POLK: variants seen among roughly 807,000 people sequenced by gnomAD.
POLK encodes polymerase (DNA directed) kappa.
A neutral mutation model predicts 94.0 loss-of-function variants in POLK; 76 were observed. The observed-to-expected ratio is 0.81, with a 90% CI of 0.67 to 0.98. POLK has a LOEUF of 0.98. Ranked by LOEUF, POLK falls within the 50% of genes least tolerant of loss-of-function variation. POLK has a pLI of 0.00. For synonymous variants in POLK, 349 were observed against 325.4 expected (o/e 1.07, Z -0.78); for missense variants, 954 against 1,010.1 (o/e 0.94, Z 0.75).
chr5:75,526,591 T>A (rs1768861484), intron 1 of POLK, among the ~76,000 whole-genome samples: 3 of 149,514 alleles, frequency 2.0e-5, no homozygotes, highest in East Asian at 3.9e-4. Flanking sequence ...TTTTTTTCTT[T>A]TTTTTTTGGA....
intron 1 of POLK, among the ~76,000 whole-genome samples, chr5:75,540,484 A>G (rs1178266319): frequency 6.6e-6 from 1 of 151,896 alleles, no homozygotes; most frequent in African/African-American, 2.4e-5. Flanking sequence ...TTTTTTGTGT[A>G]GACAGGGTCT....
intron 1 of POLK, among the ~76,000 whole-genome samples, chr5:75,523,612 A>AT (rs1738973160): frequency 6.6e-6 from 1 of 152,202 alleles, no homozygotes; most frequent in African/African-American, 2.4e-5. Flanking sequence ...CTGTTTTGTG[A>AT]TTAAGTTAAA....
At chr5:75,527,116 T>C (rs1768898257) in intron 1 of POLK, among the ~76,000 whole-genome samples, 1 of 152,190 alleles carries the variant, frequency 6.6e-6, no homozygotes, top group Non-Finnish European at 1.5e-5. Context: ...TATATATAAG[T>C]CATTACATAA....
At chr5:75,574,238 A>C (rs1297280132) in intron 5 of POLK, among the ~76,000 whole-genome samples, 1 of 152,188 alleles carries the variant, frequency 6.6e-6, no homozygotes, top group African/African-American at 2.4e-5. Flanking sequence ...ACTCATCATT[A>C]ATTTCAACCT....
intron 2 of POLK, among the ~76,000 whole-genome samples, chr5:75,550,421 A>T (rs1770277424): frequency 6.6e-6 from 1 of 152,142 alleles, no homozygotes; most frequent in Non-Finnish European, 1.5e-5. Flanking sequence ...TCTACTAAAA[A>T]TACAAAAATA....
upstream of POLK, chr5:75,511,347 G>T (rs993938595): frequency 3.2e-6 from 5 of 1,543,300 alleles, no homozygotes; most frequent in East Asian, 9.8e-5. Context: ...CAGGAGGAGG[G>T]ACGAAGTCCG....
chr5:75,551,944 A>C (rs1336839616), intron 2 of POLK, among the ~76,000 whole-genome samples: 1 of 152,232 alleles, frequency 6.6e-6, no homozygotes, highest in Non-Finnish European at 1.5e-5. Context: ...TCTTCACTGT[A>C]GCCAAAAAGT....
chr5:75,585,702 G>C (rs1772433588), intron 9 of POLK, among the ~76,000 whole-genome samples: 1 of 152,124 alleles, frequency 6.6e-6, no homozygotes, highest in Non-Finnish European at 1.5e-5. Context: ...GGGATAGTAG[G>C]TGAAAAGAAG....
intron 2 of POLK, among the ~76,000 whole-genome samples, chr5:75,549,804 A>AT (rs1178129913): frequency 6.6e-6 from 1 of 152,092 alleles, no homozygotes; most frequent in Non-Finnish European, 1.5e-5. Context: ...AATTACCAAC[A>AT]TTTTTGCAAA....
intron 3 of POLK, among the ~76,000 whole-genome samples, chr5:75,563,145 A>T (rs2112722711): frequency 6.6e-6 from 1 of 152,040 alleles, no homozygotes; most frequent in African/African-American, 2.4e-5. Context: ...TGTTTTTAGT[A>T]GAGGTGGGGT....
At chr5:75,511,163 A>C, upstream of POLK, 1 of 1,611,872 alleles carries the variant, frequency 6.2e-7, no homozygotes, top group Non-Finnish European at 8.5e-7. Context: ...CCGTCTCTGG[A>C]TCCTCCTCCG....
intron 3 of POLK, chr5:75,568,767 G>T: frequency 3.2e-6 from 1 of 315,956 alleles, no homozygotes; most frequent in South Asian, 2.6e-5. Flanking sequence ...TTCCTGTTCA[G>T]CATAAACATC....
chr5:75,560,086 C>CT (rs938230820), intron 3 of POLK, among the ~76,000 whole-genome samples: 2 of 152,146 alleles, frequency 1.3e-5, no homozygotes, highest in African/African-American at 4.8e-5. Flanking sequence ...CAAAAACAGA[C>CT]TTCAGAGTAA....
intron 3 of POLK, among the ~76,000 whole-genome samples, chr5:75,559,342 C>T (rs1184027193): frequency 6.6e-6 from 1 of 152,014 alleles, no homozygotes; most frequent in African/African-American, 2.4e-5. Context: ...TTCCCAATCT[C>T]AGTGGACTTC....
intron 1 of POLK, among the ~76,000 whole-genome samples, chr5:75,526,240 AAAG>A (rs1768836025): frequency 1.3e-5 from 2 of 152,104 alleles, no homozygotes; most frequent in Admixed American, 1.3e-4. Context: ...AAAAAAGAAA[AAAG>A]AAAAGGGAAG....
At chr5:75,593,609 T>A (rs530078852) in intron 11 of POLK, among the ~76,000 whole-genome samples, 1 of 152,126 alleles carries the variant, frequency 6.6e-6, no homozygotes, top group African/African-American at 2.4e-5. Context: ...CCCAACACTT[T>A]GGGAGGCCAG....
At chr5:75,578,048 A>G (rs540478415) in intron 6 of POLK, among the ~76,000 whole-genome samples, 18 of 152,352 alleles carry the variant, frequency 1.2e-4, no homozygotes, top group African/African-American at 4.3e-4. Flanking sequence ...GAAAATCATT[A>G]AATAATTATG....
chr5:75,588,414 T>C (rs1561404154), intron 10 of POLK, among the ~76,000 whole-genome samples: 1 of 152,084 alleles, frequency 6.6e-6, no homozygotes, highest in Non-Finnish European at 1.5e-5. Context: ...GAAAAGGAAA[T>C]ACAAATGGCT....
At chr5:75,576,376 T>C (rs1581061297) in intron 5 of POLK, among the ~76,000 whole-genome samples, 1 of 152,104 alleles carries the variant, frequency 6.6e-6, no homozygotes, top group East Asian at 1.9e-4. Context: ...CCAAAAACAA[T>C]AAATCACAAA....
Sources: allele counts gnomAD v4.1 joint callset (sites outside exome capture counted in the v4.1 genomes callset), GRCh38; gene constraint gnomAD v4.1.1; transcripts MANE v1.5; gene names NCBI Gene and HGNC (gene_info 2026-07-23, HGNC 2026-07-21).